HDAC9: variants seen among roughly 807,000 people sequenced by gnomAD.
HDAC9 encodes histone deacetylase 9.
A neutral mutation model predicts 139.4 loss-of-function variants in HDAC9; 41 were observed. That is an observed-to-expected ratio of 0.29 (90% CI 0.23 to 0.38). The LOEUF is 0.38. Ranked by LOEUF, HDAC9 falls within the 10% of genes least tolerant of loss-of-function variation. The probability of loss-of-function intolerance (pLI) is 1.00; values close to 1 mark genes in which losing one functional copy is unlikely to be tolerated. For synonymous variants in HDAC9, 517 were observed against 476.2 expected (o/e 1.09, Z -1.12); for missense variants, 1,147 against 1,297.0 (o/e 0.88, Z 1.78).
rs76296893 is a variant in HDAC9, at chr7:18,267,498, G to C, written c.25+105149G>C. 6.5e-3 allele frequency among the ~76,000 whole-genome samples: 995 copies of C among 152,132 alleles called. 11 individuals are homozygous for C. The highest frequency in any genetic ancestry group is 0.023 in the African/African-American group (938 of 41,516). On this transcript the variant is annotated intron_variant, in intron 2 of 12. Transcript: ENST00000417496. ...CTACCCTTCTACTCTCTACTTCTAT[G>C]AGAGTAATTTTTATAGAATTCTACC... is the stretch of plus-strand genomic sequence containing the variant.
intron 2 of HDAC9, among the ~76,000 whole-genome samples, chr7:18,211,961 A>G (rs1412986636): frequency 6.6e-6 from 1 of 152,156 alleles, no homozygotes; most frequent in African/African-American, 2.4e-5. Flanking sequence ...GTCACCTGGG[A>G]TTAAGGATAA....
intron 12 of HDAC9, among the ~76,000 whole-genome samples, chr7:18,692,259 A>G (rs1782724545): frequency 6.6e-6 from 1 of 152,064 alleles, no homozygotes; most frequent in African/African-American, 2.4e-5. Flanking sequence ...TTGTCTGATG[A>G]GTTTTGTAAG....
chr7:18,530,078 G>T (rs1808371407), intron 2 of HDAC9, among the ~76,000 whole-genome samples: 1 of 151,926 alleles, frequency 6.6e-6, no homozygotes, highest in Non-Finnish European at 1.5e-5. Flanking sequence ...AGTGGAGTTT[G>T]AGACCAGGCT....
chr7:18,125,489 G>C (rs371517990), intron 1 of HDAC9, among the ~76,000 whole-genome samples: 199 of 152,024 alleles, frequency 1.3e-3, no homozygotes, highest in African/African-American at 4.7e-3. Flanking sequence ...ACTGGCTCAT[G>C]ATATATATGA....
chr7:18,245,434 C>T (rs900588146), intron 2 of HDAC9, among the ~76,000 whole-genome samples: 1 of 152,130 alleles, frequency 6.6e-6, no homozygotes, highest in African/African-American at 2.4e-5. Flanking sequence ...CATCTTCAAA[C>T]AAAAACTCTA....
intron 2 of HDAC9, among the ~76,000 whole-genome samples, chr7:18,520,574 G>A (rs546836701): frequency 1.4e-4 from 22 of 152,170 alleles, no homozygotes; most frequent in Non-Finnish European, 1.5e-4. Flanking sequence ...TTTCTCAACT[G>A]CCCTTCTGTT....
At chr7:18,582,760 A>T (rs1383833477) in intron 2 of HDAC9, among the ~76,000 whole-genome samples, 1 of 152,192 alleles carries the variant, frequency 6.6e-6, no homozygotes, top group Non-Finnish European at 1.5e-5. Flanking sequence ...CTGGAGATAT[A>T]ATCCTAGAGT....
intron 22 of HDAC9, among the ~76,000 whole-genome samples, chr7:18,933,317 G>A (rs1206855088): frequency 3.9e-5 from 6 of 152,016 alleles, no homozygotes; most frequent in Non-Finnish European, 8.8e-5. Flanking sequence ...TTTTTGTTAA[G>A]GGTACAAATC....
chr7:18,247,094 C>T (rs957585069), intron 2 of HDAC9, among the ~76,000 whole-genome samples: 3 of 151,664 alleles, frequency 2.0e-5, no homozygotes, highest in African/African-American at 7.3e-5. Flanking sequence ...CTGTTTTGGG[C>T]AGGTTGAGTT....
chr7:18,851,256 C>T (rs1290351943), intron 21 of HDAC9: 3 of 152,256 alleles, frequency 2.0e-5, no homozygotes, highest in African/African-American at 7.2e-5. Flanking sequence ...AATTGTAATC[C>T]CCATGTGTCG....
intron 2 of HDAC9, among the ~76,000 whole-genome samples, chr7:18,259,842 T>G (rs1312702946): frequency 6.6e-6 from 1 of 152,206 alleles, no homozygotes; most frequent in East Asian, 1.9e-4. Context: ...TATTTAGAAT[T>G]TTAAAAATCT....
chr7:18,902,534 T>A (rs1801824711), intron 22 of HDAC9, among the ~76,000 whole-genome samples: 1 of 152,176 alleles, frequency 6.6e-6, no homozygotes, highest in Admixed American at 6.5e-5. Flanking sequence ...ATTTTCAATA[T>A]AATGAAGATA....
chr7:18,094,707 A>G (rs1782389604), intron 1 of HDAC9, among the ~76,000 whole-genome samples: 1 of 152,098 alleles, frequency 6.6e-6, no homozygotes, highest in Non-Finnish European at 1.5e-5. Flanking sequence ...CCTCCTGCTT[A>G]GGCCTCCCAA....
intron 1 of HDAC9, among the ~76,000 whole-genome samples, chr7:18,123,059 A>G (rs1193119483): frequency 6.6e-6 from 1 of 152,208 alleles, no homozygotes; most frequent in East Asian, 1.9e-4. Flanking sequence ...TTTTGGCACA[A>G]TGGGTGGTTA....
chr7:18,938,450 C>T (rs982156480), intron 23 of HDAC9, among the ~76,000 whole-genome samples: 12 of 151,636 alleles, frequency 7.9e-5, no homozygotes, highest in Non-Finnish European at 1.5e-4. Context: ...AAAAAATTAG[C>T]GGGGCGTGTT....
upstream of HDAC9, among the ~76,000 whole-genome samples, chr7:18,285,916 A>G (rs10265481): frequency 0.023 from 3,457 of 152,208 alleles, 128 homozygotes; most frequent in African/African-American, 0.079. Flanking sequence ...TGCATCTCAG[A>G]AAAACATACT....
chr7:18,268,836 C>T (rs1315931858), intron 2 of HDAC9, among the ~76,000 whole-genome samples: 1 of 152,154 alleles, frequency 6.6e-6, no homozygotes. Context: ...AGGAACTGAT[C>T]AGAAGAACAG....
intron 21 of HDAC9, among the ~76,000 whole-genome samples, chr7:18,872,928 T>A (rs945432413): frequency 6.6e-6 from 1 of 152,154 alleles, no homozygotes; most frequent in Non-Finnish European, 1.5e-5. Flanking sequence ...ACTTACTGAA[T>A]TTTGTAGAAG....
At chr7:18,660,061 C>G (rs1270103359) in intron 11 of HDAC9, among the ~76,000 whole-genome samples, 2 of 152,162 alleles carry the variant, frequency 1.3e-5, no homozygotes, top group Non-Finnish European at 2.9e-5. Context: ...ATTCCAAATA[C>G]TCATTTTCCT....
Sources: gnomAD v4.1 joint callset for allele counts (sites outside exome capture counted in the v4.1 genomes callset) on GRCh38, gnomAD v4.1.1 for gene constraint, MANE v1.5 for transcripts, NCBI Gene and HGNC (gene_info 2026-07-23, HGNC 2026-07-21) for gene names.